Variants in HADHB observed in about 807,000 individuals in gnomAD.
HADHB encodes trifunctional enzyme subunit beta, mitochondrial.
A neutral mutation model predicts 61.9 loss-of-function variants in HADHB; 50 were observed. The observed-to-expected ratio is 0.81, with a 90% confidence interval of 0.64 to 1.02. HADHB has a LOEUF of 1.02. Among genes scored for constraint, HADHB ranks in the 50% least tolerant of loss-of-function variants. The probability of loss-of-function intolerance (pLI) is 0.00; values close to 1 mark genes in which losing one functional copy is unlikely to be tolerated. For synonymous variants in HADHB, 191 were observed against 201.6 expected, an observed-to-expected ratio of 0.95 and a Z score of 0.45; for missense variants, 504 against 586.5, an observed-to-expected ratio of 0.86 and a Z score of 1.45.
At chr2:26,252,745 G>C (rs144167651) in intron 1 of HADHB, among the ~76,000 whole-genome samples, 78 of 152,132 alleles carry the variant, frequency 5.1e-4, no homozygotes, top group African/African-American at 1.8e-3. Flanking sequence ...CCTATTTTTT[G>C]GTTATTCTAA....
At chr2:26,266,938 T>C (rs959837069) in intron 4 of HADHB, among the ~76,000 whole-genome samples, 3 of 146,702 alleles carry the variant, frequency 2.0e-5, no homozygotes, top group African/African-American at 7.6e-5. Context: ...CATTTTCAAA[T>C]TGACACATGA....
chr2:26,261,360 A>G (rs987954284), intron 3 of HADHB: 4 of 248,848 alleles, frequency 1.6e-5, no homozygotes, highest in Non-Finnish European at 2.3e-5. Context: ...CTAAGCTTCA[A>G]TATTTCATGA....
At position 26,271,186 on chromosome 2, in the gene HADHB, C is replaced by T. The variant is rs368341991; in HGVS notation, c.254+1189C>T. Among the ~76,000 whole-genome samples the T allele has an allele frequency of 1.5e-4, 22 of 150,050 alleles. No homozygotes were observed. The East Asian group carries it at 3.4e-3, about 23-fold the overall frequency. The stretch of plus-strand genomic sequence containing the variant: ...CTGGGCTTACAGGTGTGAGCCACTG[C>T]GCCCGGCCGATTCTTCTCTAGCTTA... On this transcript the variant is annotated intron_variant, in intron 5 of 15. Coordinates refer to ENST00000317799, the MANE Select transcript of HADHB (RefSeq NM_000183.3).
At chr2:26,287,794 GC>G (rs1324180725) in intron 15 of HADHB, among the ~76,000 whole-genome samples, 4 of 152,294 alleles carry the variant, frequency 2.6e-5, no homozygotes, top group Admixed American at 1.3e-4. Context: ...GTTTTGGGGG[GC>G]TGTGTGTTGT....
At chr2:26,279,924 C>A (rs186852293) in intron 9 of HADHB, 70 bp from the exon 10 acceptor site, 5 of 1,146,644 alleles carry the variant, frequency 4.4e-6, no homozygotes, top group East Asian at 4.7e-5. Context: ...ATTTTTAAAG[C>A]ATATTTCTGT....
chr2:26,263,509 T>C, intron 4 of HADHB, 30 bp downstream of exon 4: 1 of 1,386,228 alleles, frequency 7.2e-7, no homozygotes, highest in Non-Finnish European at 1.0e-6. Flanking sequence ...ATTATTTTTT[T>C]CCTTCTTTTA....
chr2:26,280,045 A>G lies in HADHB; in HGVS notation c.863A>G (p.Gln288Arg), dbSNP rs756159407. 6.8e-6 allele frequency: 11 copies of G among 1,609,610 alleles called. No individual in the cohort carries two copies. In the Admixed American group the frequency reaches 1.8e-4, roughly 27 times the overall value. ...DNGIRPSSLE[Q>R]MAKLKPAFIK... is the part of the protein sequence containing the mutation. ...GGCATCCGTCCTTCCTCACTGGAGCAGATGGCCAAACTAAAACCTGCATTC... is the reference window on the plus strand; with the variant it reads ...GGCATCCGTCCTTCCTCACTGGAGCGGATGGCCAAACTAAAACCTGCATTC... The change falls in exon 10 of 16, where the codon CAG becomes CGG. Residue 288 changes from glutamine (Q) to arginine (R), a missense_variant. Transcript: ENST00000317799.
rs141236814 is a variant in HADHB at position 26,277,182 on chromosome 2, C to T, written c.442+22C>T. The T allele has an allele frequency of 1.3e-4, 139 of 1,047,742 alleles. No homozygotes were observed. In the African/African-American group the frequency reaches 2.0e-3, roughly 15 times the overall value. 64.9% of individuals were successfully genotyped at this position (1,047,742 alleles called of 1,614,324 possible). A position where few individuals can be genotyped will look rare whatever the true frequency, so the allele number is the denominator to read the frequency against. ...ACAGGTATGTTTAAATGGAAACAGA[C>T]AGTACATGTTAATTATTCTCCTTTG... On this transcript the variant is annotated intron_variant, in intron 7 of 15. Transcript: ENST00000317799.
At chr2:26,246,529 C>T (rs1003017429) in intron 1 of HADHB, among the ~76,000 whole-genome samples, 10 of 151,714 alleles carry the variant, frequency 6.6e-5, no homozygotes, top group African/African-American at 2.2e-4. Context: ...TTAGTAGAGA[C>T]GGGGTTTCAC....
chr2:26,254,625 A>G lies in HADHB; in HGVS notation c.109+151A>G, dbSNP rs560122761. On this transcript the variant is annotated intron_variant, in intron 3 of 15. Coordinates refer to ENST00000317799, the MANE Select transcript of HADHB (RefSeq NM_000183.3). ...ATCTCTGTTGCCTTCAAATTAAAAA[A>G]TTATAGGTCCAATCAATAATGATAC... 35 of 633,952 alleles carry G rather than the reference A, an allele frequency of 5.5e-5. No homozygotes were observed. The East Asian group carries it at 9.3e-4, about 17-fold the overall frequency. The allele number at this position is 633,952 out of a possible 1,614,324, so 39.3% of individuals were successfully genotyped here.
rs1320829836 is a variant in HADHB, at chr2:26,290,452, G to A, written c.*499G>A. On this transcript the variant is annotated 3_prime_UTR_variant, in exon 16 of 16. Transcript: ENST00000317799. ...ATATGGTGGTCAGCGTTAATAAAGT[G>A]GAGAAATATTGGAGAACTGTTTACC... The A allele has an allele frequency of 5.9e-6, 1 of 169,964 alleles. No homozygotes were observed. Among genetic ancestry groups the A allele is most frequent in the Non-Finnish European group, 1.3e-5 (1 of 78,388 alleles). 10.5% of individuals were successfully genotyped at this position (169,964 alleles called of 1,614,324 possible).
chr2:26,273,778 A>G (rs753911532), intron 6 of HADHB, 28 bp downstream of exon 6: 2 of 1,090,584 alleles, frequency 1.8e-6, no homozygotes, highest in Non-Finnish European at 1.4e-6. Context: ...TATGTTGTTT[A>G]AAGAGTGATA....
At chr2:26,268,721 A>T (rs1233603556) in intron 4 of HADHB, among the ~76,000 whole-genome samples, 1 of 152,224 alleles carries the variant, frequency 6.6e-6, no homozygotes, top group Admixed American at 6.5e-5. Context: ...GAATCTTGGA[A>T]CAGAAAAAGG....
In HADHB at chr2:26,289,997, A is replaced by G. The variant is rs746969104; in HGVS notation, c.*44A>G. ...CCTGAAGTTTCTGTGCAACACTCAC[A>G]CTAGGCAATGCCATTTCAATGCATT... On this transcript the variant is annotated 3_prime_UTR_variant, in exon 16 of 16. Transcript: ENST00000317799. 9 of 1,313,946 alleles carry G rather than the reference A, an allele frequency of 6.8e-6. No individual in the cohort carries two copies. The South Asian group carries it at 8.2e-5, about 12-fold the overall frequency. The allele number at this position is 1,313,946 out of a possible 1,614,324, so 81.4% of individuals were successfully genotyped here. A position where few individuals can be genotyped will look rare whatever the true frequency, so the allele number is the denominator to read the frequency against.
chr2:26,253,324 C>A (rs1189607427), intron 1 of HADHB, among the ~76,000 whole-genome samples: 1 of 152,128 alleles, frequency 6.6e-6, no homozygotes, highest in East Asian at 1.9e-4. Flanking sequence ...GTACTACAAA[C>A]TTTTTTTAGT....
chr2:26,257,802 G>A (rs983802003), intron 3 of HADHB, among the ~76,000 whole-genome samples: 1 of 151,970 alleles, frequency 6.6e-6, no homozygotes, highest in African/African-American at 2.4e-5. Context: ...GGCGGATCAC[G>A]AGGTCAAGAG....
At chr2:26,251,578 A>T (rs1671399306) in intron 1 of HADHB, among the ~76,000 whole-genome samples, 2 of 152,140 alleles carry the variant, frequency 1.3e-5, no homozygotes, top group African/African-American at 4.8e-5. Flanking sequence ...TTCAAGATGA[A>T]CCTTACGTAA....
chr2:26,278,506 G>A lies in HADHB; in HGVS notation c.443-108G>A, dbSNP rs575370098. On this transcript the variant is annotated intron_variant, in intron 7 of 15. Transcript: ENST00000317799. The stretch of plus-strand genomic sequence containing the variant: ...GTTGAAAACTTTAATTACAGATGTT[G>A]TACAAAGCTGATAACTGTCATTCAG... 2.7e-5 allele frequency: 26 copies of A among 946,840 alleles called. No individual in the cohort carries two copies. The East Asian group carries it at 6.1e-4, about 22-fold the overall frequency. 58.7% of individuals were successfully genotyped at this position (946,840 alleles called of 1,614,324 possible).
rs370860052 is a variant in HADHB, at chr2:26,254,747, T to G, written c.109+273T>G. 215 of 422,690 alleles carry G rather than the reference T, an allele frequency of 5.1e-4. No homozygotes were observed. In the East Asian group the frequency reaches 7.6e-3, roughly 15 times the overall value. 26.2% of individuals were successfully genotyped at this position (422,690 alleles called of 1,614,324 possible). ...ATGGAGGTTCCATAAACCTCGTTGGTCAGTTTATTTATCCTCTTGCTGTCC... is the reference window on the plus strand; with the variant it reads ...ATGGAGGTTCCATAAACCTCGTTGGGCAGTTTATTTATCCTCTTGCTGTCC... On this transcript the variant is annotated intron_variant, in intron 3 of 15. Transcript: ENST00000317799.
Sources: gnomAD v4.1 joint callset for allele counts (sites outside exome capture counted in the v4.1 genomes callset) on GRCh38, gnomAD v4.1.1 for gene constraint, MANE v1.5 for transcripts, NCBI Gene and HGNC (gene_info 2026-07-23, HGNC 2026-07-21) for gene names.